Variants in IGFBP7 observed in about 807,000 individuals in gnomAD.
IGFBP7 encodes insulin like growth factor binding protein 7, also known as insulin-like growth factor-binding protein 7.
In IGFBP7, 31 loss-of-function variants were observed where a neutral mutation model predicts 29.4. The ratio of observed to expected loss-of-function variants is 1.05; its 90% CI spans 0.79 to 1.42. IGFBP7 has a LOEUF of 1.42. IGFBP7 is among the 40% of genes most tolerant of loss of function. The pLI, the probability that IGFBP7 is intolerant of heterozygous loss-of-function variation, is 0.00. For missense variants in IGFBP7, 393 were observed against 395.5 expected, an observed-to-expected ratio of 0.99 and a Z score of 0.05; for synonymous variants, 172 against 174.9, an observed-to-expected ratio of 0.98 and a Z score of 0.13.
intron 1 of IGFBP7, among the ~76,000 whole-genome samples, chr4:57,103,151 G>T (rs1011029918): frequency 5.3e-5 from 8 of 152,226 alleles, no homozygotes; most frequent in African/African-American, 1.9e-4. Context: ...GGGAAGTCTT[G>T]GGAAGGAGTG....
intron 1 of IGFBP7, among the ~76,000 whole-genome samples, chr4:57,042,359 TA>T (rs1724249111): frequency 7.0e-6 from 1 of 143,010 alleles, no homozygotes; most frequent in Non-Finnish European, 1.5e-5. Flanking sequence ...AGAAAAATTT[TA>T]TTTTTTTGAG....
At chr4:57,076,548 T>A (rs751030143) in intron 1 of IGFBP7, among the ~76,000 whole-genome samples, 7 of 152,230 alleles carry the variant, frequency 4.6e-5, no homozygotes, top group Non-Finnish European at 8.8e-5. Flanking sequence ...GGCTCCAGCC[T>A]GCTCTGTACA....
intron 1 of IGFBP7, among the ~76,000 whole-genome samples, chr4:57,046,342 G>C (rs1455157148): frequency 6.6e-6 from 1 of 151,924 alleles, no homozygotes; most frequent in African/African-American, 2.4e-5. Context: ...TTCTACCTCA[G>C]GAGAGCACTG....
chr4:57,109,687 A>G, intron 1 of IGFBP7, 190 bp downstream of exon 1: 1 of 646,670 alleles, frequency 1.5e-6, no homozygotes, highest in Non-Finnish European at 2.5e-6. Flanking sequence ...AAAAAGGAGA[A>G]GGGGGGGCGT....
chr4:57,044,601 G>A (rs916176373), intron 1 of IGFBP7, among the ~76,000 whole-genome samples: 2 of 152,112 alleles, frequency 1.3e-5, no homozygotes, highest in African/African-American at 4.8e-5. Context: ...AGCACCATTT[G>A]TTGAAAAGAC....
At chr4:57,056,512 A>AGACT in intron 1 of IGFBP7, among the ~76,000 whole-genome samples, 1 of 152,340 alleles carries the variant, frequency 6.6e-6, no homozygotes, top group East Asian at 1.9e-4. Flanking sequence ...AGGAACAGCC[A>AGACT]GACTGTTCAA....
chr4:57,108,266 T>C (rs916050265), intron 1 of IGFBP7, among the ~76,000 whole-genome samples: 3 of 152,200 alleles, frequency 2.0e-5, no homozygotes, highest in African/African-American at 7.2e-5. Context: ...ACATACAACC[T>C]ATTAGTTTGT....
chr4:57,032,159 G>T, intron 4 of IGFBP7: 1 of 636,568 alleles, frequency 1.6e-6, no homozygotes, highest in Non-Finnish European at 2.2e-6. Flanking sequence ...ATGGGAAATA[G>T]AAGCCATTCC....
intron 1 of IGFBP7, among the ~76,000 whole-genome samples, chr4:57,096,313 C>T (rs770008930): frequency 1.3e-5 from 2 of 148,968 alleles, no homozygotes; most frequent in East Asian, 2.0e-4. Flanking sequence ...TTGCAAAACA[C>T]TAGATGCTGG....
At chr4:57,054,438 T>C (rs1724590753) in intron 1 of IGFBP7, among the ~76,000 whole-genome samples, 1 of 151,900 alleles carries the variant, frequency 6.6e-6, no homozygotes, top group Non-Finnish European at 1.5e-5. Context: ...ATCGAGACCA[T>C]CCTGGCTAAC....
chr4:57,107,989 T>C (rs11573029), intron 1 of IGFBP7, among the ~76,000 whole-genome samples: 1 of 152,204 alleles, frequency 6.6e-6, no homozygotes, highest in Non-Finnish European at 1.5e-5. Flanking sequence ...GGCAAGTATC[T>C]GCCATTTTGA....
At chr4:57,046,806 T>C (rs1323743006) in intron 1 of IGFBP7, among the ~76,000 whole-genome samples, 1 of 152,192 alleles carries the variant, frequency 6.6e-6, no homozygotes, top group Non-Finnish European at 1.5e-5. Context: ...CTGCCTGATG[T>C]AAAGAGATGT....
chr4:57,042,384 C>CT (rs1272292583), intron 1 of IGFBP7, among the ~76,000 whole-genome samples: 1 of 152,052 alleles, frequency 6.6e-6, no homozygotes, highest in East Asian at 1.9e-4. Context: ...GAACCTTACT[C>CT]TGTTGCTCAG....
Position 57,110,331 on chromosome 4 carries a change from G to A in IGFBP7, c.21C>T (p.Arg7=), listed in dbSNP as rs1282027780. 7.2e-7 allele frequency: 1 copy of A among 1,391,288 alleles called. No individual in the cohort carries two copies. The highest frequency in any genetic ancestry group is 9.3e-7 in the Non-Finnish European group (1 of 1,070,394). The allele number at this position is 1,391,288 out of a possible 1,614,324, so 86.2% of individuals were successfully genotyped here. MERPSL[R]ALLLGAAGLL... is the part of the protein sequence containing the mutation. ...GCCCAGCGGCGCCGAGGAGCAGGGC[G>A]CGCAGCGACGGCCGCTCCATGGCGG... Residue 7 remains arginine (R), a synonymous_variant, in exon 1 of 5, where the codon CGC becomes CGT. Transcript: ENST00000295666.
At chr4:57,067,840 AAT>A (rs146237767) in intron 1 of IGFBP7, among the ~76,000 whole-genome samples, 18,535 of 151,758 alleles carry the variant, frequency 0.12, 1,187 homozygotes, top group East Asian at 0.16. Context: ...AACTAAAAAA[AAT>A]AAAAAATAAA....
In IGFBP7 at chr4:57,055,598, C is replaced by G. The variant is rs147781514; in HGVS notation, c.476-14665G>C. Reference sequence around the variant, plus strand: ...TGAAGGGTACAGACACCTGATAACACCAGCACCGCCACCACTTCAATCACG... The same window carrying G: ...TGAAGGGTACAGACACCTGATAACAGCAGCACCGCCACCACTTCAATCACG... On this transcript the variant is annotated intron_variant, in intron 1 of 4. Transcript: ENST00000295666. Among the ~76,000 whole-genome samples, 126 of 152,016 alleles carry G rather than the reference C, an allele frequency of 8.3e-4. 1 individual carries two copies. In the East Asian group the frequency reaches 0.015, roughly 18 times the overall value.
At chr4:57,081,415 A>G (rs990498688) in intron 1 of IGFBP7, among the ~76,000 whole-genome samples, 9 of 152,008 alleles carry the variant, frequency 5.9e-5, no homozygotes, top group Non-Finnish European at 8.8e-5. Flanking sequence ...CATAGACCAC[A>G]TATTTTCCCC....
At chr4:57,031,569 CTTA>C (rs765424331) in intron 4 of IGFBP7, among the ~76,000 whole-genome samples, 46 of 152,152 alleles carry the variant, frequency 3.0e-4, no homozygotes, top group Non-Finnish European at 5.0e-4. Flanking sequence ...AAAGGTACAT[CTTA>C]TTATAGAACT....
intron 2 of IGFBP7, among the ~76,000 whole-genome samples, chr4:57,038,638 G>T (rs1218469094): frequency 1.3e-5 from 2 of 152,138 alleles, no homozygotes; most frequent in African/African-American, 4.8e-5. Flanking sequence ...GAGAAGTAAG[G>T]CAGCTTAAAA....
Sources: allele counts gnomAD v4.1 joint callset (sites outside exome capture counted in the v4.1 genomes callset), GRCh38; gene constraint gnomAD v4.1.1; transcripts MANE v1.5; gene names NCBI Gene and HGNC (gene_info 2026-07-23, HGNC 2026-07-21).